Variants in UMODL1 observed in about 807,000 individuals in gnomAD.
UMODL1 encodes the protein uromodulin-like 1.
Under a neutral mutation model 136.3 loss-of-function variants are expected in UMODL1, and 128 were observed. The ratio of observed to expected loss-of-function variants is 0.94; its 90% CI spans 0.81 to 1.09. The LOEUF (loss-of-function observed/expected upper bound fraction) is 1.09. UMODL1 is among the 50% of genes least tolerant of loss of function. UMODL1 has a pLI of 0.00. For missense variants in UMODL1, 1,766 were observed against 1,725.6 expected (o/e 1.02, Z -0.41); for synonymous variants, 721 against 720.0 (o/e 1.00, Z -0.02).
chr21:42,133,861 T>C (rs145223499), intron 21 of UMODL1, among the ~76,000 whole-genome samples: 1 of 152,160 alleles, frequency 6.6e-6, no homozygotes, highest in Non-Finnish European at 1.5e-5. Context: ...CCCACAGTAC[T>C]AAGGGTTAGG....
intron 22 of UMODL1, among the ~76,000 whole-genome samples, chr21:42,141,266 G>A (rs1003215919): frequency 3.3e-5 from 5 of 152,262 alleles, no homozygotes; most frequent in Non-Finnish European, 5.9e-5. Context: ...AACACCACCC[G>A]CCTGTGGATG....
chr21:42,141,601 T>A (rs1394109188), intron 22 of UMODL1, among the ~76,000 whole-genome samples: 1 of 152,230 alleles, frequency 6.6e-6, no homozygotes, highest in Non-Finnish European at 1.5e-5. Context: ...AAAACTGGCC[T>A]CTTGTCTTTC....
chr21:42,098,941 G>T lies in UMODL1; in HGVS notation c.947G>T (p.Ser316Ile), dbSNP rs759699198. 2 of 1,614,196 alleles carry T rather than the reference G, an allele frequency of 1.2e-6. No homozygotes were observed. The highest frequency in any genetic ancestry group is 3.3e-5 in the Admixed American group (2 of 60,028). ...NLEWEDCPPV[S>I]DYVVLNVTSD... ...GCTTTCGTAGATTGTCCTCCAGTCA[G>T]TGACTACGTGGTCCTCAACGTCACC... The change falls in exon 7 of 23, where the codon AGT becomes ATT. Residue 316 changes from serine (S) to isoleucine (I), a missense_variant. Coordinates refer to ENST00000408910, the MANE Select transcript of UMODL1 (RefSeq NM_001004416.3).
chr21:42,139,962 G>A (rs1252459183), intron 22 of UMODL1, among the ~76,000 whole-genome samples: 2 of 152,192 alleles, frequency 1.3e-5, no homozygotes, highest in African/African-American at 4.8e-5. Context: ...TGCCCAGCAA[G>A]GGCAGCATGG....
At chr21:42,084,053 C>T (rs2066394294) in intron 2 of UMODL1, 31 bp from the exon 3 acceptor site, 4 of 1,604,764 alleles carry the variant, frequency 2.5e-6, no homozygotes, top group Middle Eastern at 3.3e-4. Context: ...CTTTTATCGC[C>T]AGTATCATTA....
intron 21 of UMODL1, among the ~76,000 whole-genome samples, chr21:42,131,712 T>A (rs2067137024): frequency 6.6e-6 from 1 of 151,982 alleles, no homozygotes; most frequent in East Asian, 1.9e-4. Context: ...TTTGGGAAAC[T>A]AAAAAAGTAG....
intron 6 of UMODL1, among the ~76,000 whole-genome samples, chr21:42,094,249 T>C (rs1044803449): frequency 2.0e-5 from 3 of 152,218 alleles, no homozygotes; most frequent in Admixed American, 2.0e-4. Flanking sequence ...ACTAATCCAG[T>C]GTTTCCAGAT....
At chr21:42,125,326 G>T (rs1272280596) in intron 17 of UMODL1, among the ~76,000 whole-genome samples, 1 of 152,058 alleles carries the variant, frequency 6.6e-6, no homozygotes, top group Admixed American at 6.5e-5. Context: ...AGCCTGCTTG[G>T]AGCCTGGAGC....
intron 6 of UMODL1, among the ~76,000 whole-genome samples, chr21:42,094,336 G>A (rs549788083): frequency 6.6e-6 from 1 of 152,224 alleles, no homozygotes; most frequent in Non-Finnish European, 1.5e-5. Flanking sequence ...CTGAACCAGA[G>A]ATGAGTCACG....
rs367789777 is a variant in UMODL1 at position 42,127,208 on chromosome 21, C to T, written c.3496C>T (p.Arg1166Trp). Residue 1166 changes from arginine (R) to tryptophan (W), a missense_variant, in exon 19 of 23, where the codon CGG (arginine) becomes TGG (tryptophan). Coordinates refer to ENST00000408910, the MANE Select transcript of UMODL1 (RefSeq NM_001004416.3). ...CTGGGCAACCCCGTCTAGCAACGCC[C>T]GGGACCCCATCACCTTCAGCTTCAT... ...ECWATPSSNA[R>W]DPITFSFINN... 2.7e-5 allele frequency: 43 copies of T among 1,614,026 alleles called. No individual in the cohort carries two copies. The African/African-American group carries it at 3.3e-4, about 13-fold the overall frequency.
intron 1 of UMODL1, among the ~76,000 whole-genome samples, chr21:42,072,867 G>T (rs1357277968): frequency 6.6e-6 from 1 of 152,248 alleles, no homozygotes; most frequent in East Asian, 1.9e-4. Flanking sequence ...GCCCTTGTGG[G>T]TCTTTGCGGG....
chr21:42,127,480 T>G (rs1431782269), intron 19 of UMODL1, among the ~76,000 whole-genome samples, 192 bp from the exon 20 acceptor site: 2 of 152,206 alleles, frequency 1.3e-5, no homozygotes, highest in African/African-American at 2.4e-5. Context: ...AGCTCTGGGC[T>G]CTGCAGGATT....
chr21:42,131,875 G>A (rs975488546), intron 21 of UMODL1, among the ~76,000 whole-genome samples: 4 of 152,184 alleles, frequency 2.6e-5, no homozygotes, highest in African/African-American at 4.8e-5. Flanking sequence ...TGGGAAGAAC[G>A]GGTCAGCCTA....
rs568003298 is a variant in UMODL1 at position 42,076,221 on chromosome 21, A to G, written c.293A>G (p.Glu98Gly). 1.2e-6 allele frequency: 2 copies of G among 1,614,062 alleles called. No homozygotes were observed. The highest frequency in any genetic ancestry group is 1.7e-6 in the Non-Finnish European group (2 of 1,180,022). Residue 98 changes from glutamate (E) to glycine (G), a missense_variant, in exon 2 of 23, where the codon GAA becomes GGA. Transcript: ENST00000408910. ...GTGACTGACTGCTGTGAGGGCTATG[A>G]ACAGCTCGGCCTCTACTGTGTCTTG... ...RNVTDCCEGY[E>G]QLGLYCVLPL... is the part of the protein sequence containing the mutation.
Position 42,099,503 on chromosome 21 carries a change from A to C in UMODL1, c.1186+323A>C, listed in dbSNP as rs1198857930. Among the ~76,000 whole-genome samples the C allele has an allele frequency of 3.9e-5, 6 of 152,072 alleles. No homozygotes were observed. Among genetic ancestry groups the C allele is most frequent in the Non-Finnish European group, 8.8e-5 (6 of 68,008 alleles). ...GAAGCAAAGGAACAAAATAATAATA[A>C]TAAAGCAGAAGGCGGCAGCTCCTGG... On this transcript the variant is annotated intron_variant, in intron 7 of 22. Transcript: ENST00000408910. The surrounding 1 kb of genome is among the most constrained non-coding windows in gnomAD (Gnocchi z 4.1).
intron 14 of UMODL1, among the ~76,000 whole-genome samples, chr21:42,117,997 G>A (rs2066921924): frequency 6.6e-6 from 1 of 152,216 alleles, no homozygotes; most frequent in Non-Finnish European, 1.5e-5. Context: ...AATCACAGAA[G>A]TAGGATGTTA....
chr21:42,074,495 C>T (rs220283), intron 1 of UMODL1, among the ~76,000 whole-genome samples: 48,420 of 152,010 alleles, frequency 0.32, 8,429 homozygotes, highest in Admixed American at 0.48. Context: ...ATGGGAAGCC[C>T]AGGCACCACG....
rs1407027852 is a variant in UMODL1 at position 42,099,737 on chromosome 21, G to A, written c.1186+557G>A. On this transcript the variant is annotated intron_variant, in intron 7 of 22. Coordinates refer to ENST00000408910, the MANE Select transcript of UMODL1 (RefSeq NM_001004416.3). The surrounding 1 kb of genome is among the most constrained non-coding windows in gnomAD (Gnocchi z 4.1). ...GCTCTGTCACCCAGGCTGGAGTGTA[G>A]TGGTATGATCACAGCTCGCTGCGGC... Among the ~76,000 whole-genome samples the A allele has an allele frequency of 2.0e-5, 3 of 152,170 alleles. No individual in the cohort carries two copies. Among genetic ancestry groups the A allele is most frequent in the East Asian group, 1.9e-4 (1 of 5,200 alleles).
At chr21:42,070,345 A>G (rs916736212), upstream of UMODL1, among the ~76,000 whole-genome samples, 2 of 152,250 alleles carry the variant, frequency 1.3e-5, no homozygotes, top group African/African-American at 4.8e-5. Context: ...GAGGCAATCA[A>G]CGGTGCAGTA....
Sources: gnomAD v4.1 joint callset for allele counts (sites outside exome capture counted in the v4.1 genomes callset) on GRCh38, gnomAD v4.1.1 for gene constraint, Gnocchi (gnomAD v3.1) non-coding constraint, MANE v1.5 for transcripts, NCBI Gene and HGNC (gene_info 2026-07-23, HGNC 2026-07-21) for gene names.